The following ARB2A variants were observed in gnomAD, a reference collection of about 807,000 sequenced individuals.
ARB2A encodes cotranscriptional regulator ARB2A.
chr5:93,758,282 G>A, the ARB2A span, among the ~76,000 whole-genome samples: 1 of 149,888 alleles, frequency 6.7e-6, no homozygotes, highest in Non-Finnish European at 1.5e-5. Flanking sequence ...GAGATAGACA[G>A]CAATATAAAA....
chr5:93,861,158 T>C, the ARB2A span: 1 of 152,344 alleles, frequency 6.6e-6, no homozygotes, highest in Non-Finnish European at 1.5e-5. Context: ...TTATTTCTAA[T>C]GTTAAACTTT....
chr5:93,856,345 G>C, the ARB2A span, among the ~76,000 whole-genome samples: 11 of 152,308 alleles, frequency 7.2e-5, no homozygotes, highest in East Asian at 2.1e-3. Flanking sequence ...CTAGATTGGG[G>C]AAGTTCTCCT....
At chr5:94,026,402 G>A in the ARB2A span, among the ~76,000 whole-genome samples, 2 of 151,974 alleles carry the variant, frequency 1.3e-5, no homozygotes, top group Non-Finnish European at 2.9e-5. Context: ...CAATTGAAGG[G>A]CGATGAGGGC....
the ARB2A span, among the ~76,000 whole-genome samples, chr5:93,669,139 G>T: frequency 1.3e-5 from 2 of 152,120 alleles, no homozygotes; most frequent in Admixed American, 6.6e-5. Flanking sequence ...AATTCTAGTT[G>T]TTCTTACCAC....
chr5:94,022,849 T>G, the ARB2A span, among the ~76,000 whole-genome samples: 4 of 152,148 alleles, frequency 2.6e-5, no homozygotes, highest in Admixed American at 6.5e-5. Context: ...CCTTCACAAG[T>G]GTACACTCAG....
At chr5:93,774,895 C>T in the ARB2A span, among the ~76,000 whole-genome samples, 85 of 152,170 alleles carry the variant, frequency 5.6e-4, no homozygotes, top group Non-Finnish European at 1.2e-3. Flanking sequence ...AGGAACCTGG[C>T]CTTGTATTTC....
the ARB2A span, among the ~76,000 whole-genome samples, chr5:93,898,174 T>C: frequency 2.6e-5 from 4 of 152,094 alleles, no homozygotes; most frequent in Non-Finnish European, 4.4e-5. Context: ...TCTTATAATC[T>C]GAGTATATTC....
chr5:93,625,500 C>T, the ARB2A span, among the ~76,000 whole-genome samples: 1 of 152,120 alleles, frequency 6.6e-6, no homozygotes, highest in Non-Finnish European at 1.5e-5. Context: ...GTTTCTTCCA[C>T]AAATGCCATT....
At chr5:93,680,985 T>A in the ARB2A span, among the ~76,000 whole-genome samples, 1 of 152,208 alleles carries the variant, frequency 6.6e-6, no homozygotes, top group Non-Finnish European at 1.5e-5. Context: ...TATGAATAGG[T>A]ACACAATGAA....
the ARB2A span, among the ~76,000 whole-genome samples, chr5:93,756,099 C>T: frequency 1.9e-3 from 287 of 152,170 alleles, 2 homozygotes; most frequent in African/African-American, 6.5e-3. Context: ...CTGTGACTGC[C>T]GGCTTTCCCC....
chr5:93,939,031 C>T, the ARB2A span, among the ~76,000 whole-genome samples: 1 of 152,264 alleles, frequency 6.6e-6, no homozygotes, highest in Non-Finnish European at 1.5e-5. Flanking sequence ...GCATCTGCTT[C>T]TCTGGATAAA....
chr5:93,689,385 G>A, the ARB2A span, among the ~76,000 whole-genome samples: 1 of 152,190 alleles, frequency 6.6e-6, no homozygotes, highest in African/African-American at 2.4e-5. Flanking sequence ...CTGAATATAA[G>A]TGAAGGGTAT....
chr5:93,820,940 A>C, the ARB2A span, among the ~76,000 whole-genome samples: 12 of 152,124 alleles, frequency 7.9e-5, no homozygotes, highest in South Asian at 2.5e-3. Flanking sequence ...ATTATAGTAA[A>C]ATGTATACTG....
the ARB2A span, chr5:94,050,721 T>C: frequency 2.5e-6 from 4 of 1,579,952 alleles, no homozygotes; most frequent in Non-Finnish European, 3.4e-6. Context: ...AAGTAGTATA[T>C]GTGACATACC....
chr5:93,641,186 G>C, the ARB2A span, among the ~76,000 whole-genome samples: 21 of 150,438 alleles, frequency 1.4e-4, no homozygotes, highest in Non-Finnish European at 7.4e-5. Flanking sequence ...GGTGACAGAG[G>C]GAGATTCTGA....
the ARB2A span, among the ~76,000 whole-genome samples, chr5:93,853,777 T>C: frequency 6.6e-6 from 1 of 152,234 alleles, no homozygotes; most frequent in African/African-American, 2.4e-5. Flanking sequence ...TTTGCGTATA[T>C]TGAACCAGCC....
the ARB2A span, among the ~76,000 whole-genome samples, chr5:93,940,656 G>A: frequency 1.3e-5 from 2 of 151,658 alleles, no homozygotes; most frequent in African/African-American, 2.4e-5. Flanking sequence ...TCCTATGGAC[G>A]CTATTATTTA....
the ARB2A span, among the ~76,000 whole-genome samples, chr5:93,638,165 G>C: frequency 1.1e-4 from 16 of 152,168 alleles, no homozygotes; most frequent in Non-Finnish European, 2.4e-4. Context: ...ATGTTAATTG[G>C]TATCTTTTCA....
chr5:93,752,506 G>A, the ARB2A span, among the ~76,000 whole-genome samples: 44 of 152,204 alleles, frequency 2.9e-4, no homozygotes, highest in Admixed American at 9.2e-4. Flanking sequence ...CAAATTCTTC[G>A]AAGGAGTTTT....
Sources: gnomAD v4.1 joint callset for allele counts (sites outside exome capture counted in the v4.1 genomes callset) on GRCh38, gnomAD v4.1.1 for gene constraint, MANE v1.5 for transcripts, NCBI Gene and HGNC (gene_info 2026-07-23, HGNC 2026-07-21) for gene names.